SLC47A2: variants seen among roughly 807,000 people sequenced by gnomAD.
SLC47A2 encodes solute carrier family 47 member 2.
A neutral mutation model predicts 67.7 loss-of-function variants in SLC47A2; 52 were observed. The observed-to-expected ratio is 0.77, with a 90% CI of 0.61 to 0.97. The LOEUF is 0.97. Ranked by LOEUF, SLC47A2 falls within the 50% of genes least tolerant of loss-of-function variation. The pLI, the probability that SLC47A2 is intolerant of heterozygous loss-of-function variation, is 0.00. For missense variants in SLC47A2, 676 were observed against 712.3 expected (o/e 0.95, Z 0.58); for synonymous variants, 278 against 292.9 (o/e 0.95, Z 0.52).
intron 10 of SLC47A2, chr17:19,704,639 A>G (rs1174239434): frequency 6.5e-7 from 1 of 1,544,450 alleles, no homozygotes; most frequent in Admixed American, 2.0e-5. Flanking sequence ...CAGGGATAAC[A>G]TGCAGATGCG....
chr17:19,706,182 G>A, intron 9 of SLC47A2, among the ~76,000 whole-genome samples: 1 of 152,152 alleles, frequency 6.6e-6, no homozygotes. Context: ...GCGGGGCAGG[G>A]CAGGGGTTCT....
At position 19,682,366 on chromosome 17, in the gene SLC47A2, A is replaced by ACACACACAC. The variant is rs1555537233; in HGVS notation, c.1165-697_1165-696insGTGTGTGTG. Among the ~76,000 whole-genome samples the ACACACACAC allele has an allele frequency of 1.5e-3, 147 of 96,158 alleles. 3 individuals carry two copies. In the East Asian group the frequency reaches 0.046, roughly 30 times the overall value. The allele number at this position is 96,158 out of a possible 152,430, so 63.1% of individuals were successfully genotyped here. A position where few individuals can be genotyped will look rare whatever the true frequency, so the allele number is the denominator to read the frequency against. On this transcript the variant is annotated intron_variant, in intron 13 of 16. Transcript: ENST00000433844. ...ACACACACACACACACACACACACA[A>ACACACACAC]ATTTATTATTTTATTTTACAGTTCT... is the stretch of plus-strand genomic sequence containing the variant.
intron 13 of SLC47A2, among the ~76,000 whole-genome samples, chr17:19,698,725 G>A (rs1490359535): frequency 2.0e-5 from 3 of 152,152 alleles, no homozygotes; most frequent in South Asian, 2.1e-4. Flanking sequence ...CACATAAAAT[G>A]TGCTGTCTTA....
chr17:19,689,476 C>T (rs1255607599), intron 13 of SLC47A2, among the ~76,000 whole-genome samples: 2 of 152,102 alleles, frequency 1.3e-5, no homozygotes, highest in Admixed American at 1.3e-4. Flanking sequence ...GTGAGTGGGT[C>T]TCTTGAGACC....
At position 19,685,054 on chromosome 17, in the gene SLC47A2, C is replaced by T. The variant is rs71317749; in HGVS notation, c.1165-3384G>A. On this transcript the variant is annotated intron_variant, in intron 13 of 16. Transcript: ENST00000433844. The surrounding 1 kb of genome is among the most constrained non-coding windows in gnomAD (Gnocchi z 4.5). The stretch of plus-strand genomic sequence containing the variant: ...GGAGATGGGGTTTCGCCGTGTTGAC[C>T]GGGCTGGCCTCCAGCTCCTAGCCTC... Among the ~76,000 whole-genome samples the T allele has an allele frequency of 0.023, 3,476 of 152,266 alleles. 72 individuals are homozygous for T. Among genetic ancestry groups the T allele is most frequent in the African/African-American group, 0.052 (2,167 of 41,548 alleles).
intron 5 of SLC47A2, among the ~76,000 whole-genome samples, chr17:19,709,182 C>T (rs971230599): frequency 6.6e-6 from 1 of 152,232 alleles, no homozygotes; most frequent in Non-Finnish European, 1.5e-5. Context: ...GAAGGTGTGA[C>T]TTCGGACGAG....
chr17:19,700,085 G>A (rs1393901497), intron 13 of SLC47A2, among the ~76,000 whole-genome samples: 1 of 152,202 alleles, frequency 6.6e-6, no homozygotes, highest in African/African-American at 2.4e-5. Context: ...AAGCAATGCA[G>A]TGGATTGCCC....
chr17:19,713,735 T>C (rs2086167017), intron 4 of SLC47A2, 90 bp downstream of exon 4: 1 of 1,522,736 alleles, frequency 6.6e-7, no homozygotes, highest in Non-Finnish European at 8.8e-7. Flanking sequence ...TAGAGAAGCA[T>C]GGGGTGTGAG....
chr17:19,698,502 C>T (rs1243511119), intron 13 of SLC47A2, among the ~76,000 whole-genome samples: 1 of 152,110 alleles, frequency 6.6e-6, no homozygotes, highest in Non-Finnish European at 1.5e-5. Context: ...CAGACATGTG[C>T]CACCATGCTT....
intron 8 of SLC47A2, among the ~76,000 whole-genome samples, chr17:19,707,127 G>A (rs1302232022): frequency 6.6e-6 from 1 of 152,052 alleles, no homozygotes; most frequent in Non-Finnish European, 1.5e-5. Flanking sequence ...GAGGCGGCAT[G>A]AGATCAAGGA....
At chr17:19,693,611 A>AATAAT (rs2085591467) in intron 13 of SLC47A2, among the ~76,000 whole-genome samples, 1 of 146,312 alleles carries the variant, frequency 6.8e-6, no homozygotes, top group African/African-American at 2.5e-5. Context: ...TCTCTACTAA[A>AATAAT]AATAATAATA....
Position 19,678,775 on chromosome 17 carries a change from GCTGTTT to G in SLC47A2, c.1606_1611del (p.Lys536_Gln537del), listed in dbSNP as rs758659584. On this transcript the variant is annotated inframe_deletion, in exon 17 of 17. Transcript: ENST00000433844. Reference sequence around the variant, plus strand: ...AGAGCAGCCCCACGGCGGATGACCAGCTGTTTCACTGATAGTCTGCTGGTAGGAGCT... The same window carrying G: ...AGAGCAGCCCCACGGCGGATGACCAGCACTGATAGTCTGCTGGTAGGAGCT... The G allele has an allele frequency of 3.1e-6, 5 of 1,614,242 alleles. No homozygotes were observed. In the Admixed American group the frequency reaches 8.3e-5, roughly 27 times the overall value.
chr17:19,708,445 A>T, intron 6 of SLC47A2, 46 bp from the exon 7 acceptor site: 1 of 1,614,140 alleles, frequency 6.2e-7, no homozygotes, highest in Non-Finnish European at 8.5e-7. Flanking sequence ...AGTGAGATGG[A>T]TGGAGGATGG....
intron 10 of SLC47A2, among the ~76,000 whole-genome samples, chr17:19,704,464 A>C (rs1333418107): frequency 6.6e-6 from 1 of 152,270 alleles, no homozygotes; most frequent in African/African-American, 2.4e-5. Context: ...GTGTTGTCCA[A>C]ATCAAATGAG....
At position 19,714,720 on chromosome 17, in the gene SLC47A2, C is replaced by T. The variant is rs1470975261; in HGVS notation, c.294+1G>A. ...CTGCCCAGCTCCAGGAGGCCACCCACCTGAGACATCAAGGTGTCACATGCC... is the reference window on the plus strand; with the variant it reads ...CTGCCCAGCTCCAGGAGGCCACCCATCTGAGACATCAAGGTGTCACATGCC... On this transcript the variant is annotated splice_donor_variant, in intron 3 of 16. Coordinates refer to ENST00000433844, the MANE Select transcript of SLC47A2 (RefSeq NM_001099646.3). LOFTEE classifies it high-confidence loss of function. 9 of 1,613,936 alleles carry T rather than the reference C, an allele frequency of 5.6e-6. No individual in the cohort carries two copies. The highest frequency in any genetic ancestry group is 7.6e-6 in the Non-Finnish European group (9 of 1,180,050).
chr17:19,700,939 G>A (rs1026918659), intron 13 of SLC47A2, among the ~76,000 whole-genome samples: 3 of 151,768 alleles, frequency 2.0e-5, no homozygotes, highest in East Asian at 1.9e-4. Context: ...AAGCCGAGGC[G>A]GGTGGGTCAC....
At chr17:19,711,886 A>C (rs76443945) in intron 5 of SLC47A2, among the ~76,000 whole-genome samples, 1 of 152,140 alleles carries the variant, frequency 6.6e-6, no homozygotes, top group South Asian at 2.1e-4. Flanking sequence ...TTCGTATTAT[A>C]AATAGAGATT....
Position 19,684,876 on chromosome 17 carries a change from C to T in SLC47A2, c.1165-3206G>A, listed in dbSNP as rs139603640. Among the ~76,000 whole-genome samples the T allele has an allele frequency of 4.5e-3, 680 of 152,226 alleles. 4 individuals carry two copies. Among genetic ancestry groups the T allele is most frequent in the Non-Finnish European group, 7.6e-3 (516 of 68,002 alleles). On this transcript the variant is annotated intron_variant, in intron 13 of 16. Transcript: ENST00000433844. ...CTCCATCTCCCTCTTTCTACGGTCT[C>T]CCTCTCTTGCGGAGCCTGGACTGTA...
Position 19,681,631 on chromosome 17 carries a change from C to T in SLC47A2, c.1204G>A (p.Ala402Thr), listed in dbSNP as rs1222325034. Residue 402 changes from alanine (A) to threonine (T), a missense_variant, in exon 14 of 17, where the codon GCC becomes ACC. Physicochemically the swap from Ala to Thr is moderately conservative, Grantham distance 58. Transcript: ENST00000433844. The part of the protein sequence containing the change: ...GGVLRGTGKQ[A>T]FGAAVNAITY... Reference sequence around the variant, plus strand: ...ATGGCATTCACAGCGGCACCAAAGGCCTGCTTCCCAGTTCCTCTCAGAACT... The same window carrying T: ...ATGGCATTCACAGCGGCACCAAAGGTCTGCTTCCCAGTTCCTCTCAGAACT... 5.6e-6 allele frequency: 9 copies of T among 1,613,984 alleles called. No homozygotes were observed. Among genetic ancestry groups the T allele is most frequent in the Admixed American group, 5.0e-5 (3 of 60,008 alleles).
Sources: gnomAD v4.1 joint callset for allele counts (sites outside exome capture counted in the v4.1 genomes callset) on GRCh38, gnomAD v4.1.1 for gene constraint, Gnocchi (gnomAD v3.1) non-coding constraint, MANE v1.5 for transcripts, NCBI Gene and HGNC (gene_info 2026-07-23, HGNC 2026-07-21) for gene names.